The following NDUFAF7 variants were observed in gnomAD, a reference collection of about 807,000 sequenced individuals.
The protein encoded by NDUFAF7 is NADH:ubiquinone oxidoreductase complex assembly factor 7, also known as protein arginine methyltransferase NDUFAF7, mitochondrial.
A neutral mutation model predicts 47.2 loss-of-function variants in NDUFAF7; 48 were observed. The ratio of observed to expected loss-of-function variants is 1.02; its 90% CI spans 0.81 to 1.29. The LOEUF (loss-of-function observed/expected upper bound fraction) is 1.29, where lower values mean the gene tolerates loss of function less well. Among genes scored for constraint, NDUFAF7 ranks in the 50% most tolerant of loss-of-function variants. The pLI is 0.00. For missense variants in NDUFAF7, 635 were observed against 537.6 expected, an observed-to-expected ratio of 1.18 and a Z score of -1.79; for synonymous variants, 217 against 190.0, an observed-to-expected ratio of 1.14 and a Z score of -1.17.
intron 4 of NDUFAF7, among the ~76,000 whole-genome samples, chr2:37,238,710 C>T (rs1432354867): frequency 6.6e-6 from 1 of 151,744 alleles, no homozygotes; most frequent in Non-Finnish European, 1.5e-5. Flanking sequence ...TTCAGAGACC[C>T]CATTAAGAGA....
chr2:37,248,490 A>G lies in NDUFAF7; in HGVS notation c.*140A>G, dbSNP rs1008029929. ...AACAGTCCATGTTGTATATAATACA[A>G]CCAACATTATAGAACTTTTAGGGTT... On this transcript the variant is annotated 3_prime_UTR_variant, in exon 10 of 10. Coordinates refer to ENST00000002125, the MANE Select transcript of NDUFAF7 (RefSeq NM_144736.5). The G allele has an allele frequency of 3.1e-5, 26 of 840,444 alleles. No homozygotes were observed. Among genetic ancestry groups the G allele is most frequent in the Admixed American group, 6.0e-5 (3 of 49,868 alleles). 52.1% of individuals were successfully genotyped at this position (840,444 alleles called of 1,614,324 possible).
At chr2:37,242,079 G>T (rs78699229) in intron 5 of NDUFAF7, 1 of 431,030 alleles carries the variant, frequency 2.3e-6, no homozygotes, top group Admixed American at 4.0e-5. Context: ...TACCGATGAC[G>T]GAGCAGCCCA....
chr2:37,233,013 T>C (rs1474496743), intron 2 of NDUFAF7, among the ~76,000 whole-genome samples: 1 of 152,208 alleles, frequency 6.6e-6, no homozygotes, highest in African/African-American at 2.4e-5. Flanking sequence ...CCGGTATCTT[T>C]CTTTCGATGC....
At chr2:37,256,918 A>G, downstream of NDUFAF7, 3 of 1,614,026 alleles carry the variant, frequency 1.9e-6, no homozygotes, top group Non-Finnish European at 2.5e-6. Context: ...ATCCAAAGTC[A>G]CACAGCTTCA....
In NDUFAF7 at chr2:37,246,034, C is replaced by T. The variant is rs989140264; in HGVS notation, c.793-18C>T. On this transcript the variant is annotated intron_variant, in intron 7 of 9. Coordinates refer to ENST00000002125, the MANE Select transcript of NDUFAF7 (RefSeq NM_144736.5). ...TTTGAATGATGCATTTTGACTCTTG[C>T]AATGATCCCTTTACTAGCATGACGA... 4 of 1,612,958 alleles carry T rather than the reference C, an allele frequency of 2.5e-6. No individual in the cohort carries two copies. In the Admixed American group the frequency reaches 6.7e-5, roughly 27 times the overall value.
chr2:37,234,793 AG>A (rs1665580389), intron 2 of NDUFAF7, among the ~76,000 whole-genome samples: 1 of 152,138 alleles, frequency 6.6e-6, no homozygotes, highest in African/African-American at 2.4e-5. Flanking sequence ...TGAGAGGAGA[AG>A]GGGAAGGCAT....
chr2:37,262,895 T>TCCC, the NDUFAF7 span, among the ~76,000 whole-genome samples: 1 of 144,378 alleles, frequency 6.9e-6, no homozygotes, highest in Non-Finnish European at 1.5e-5. Context: ...TAAGATTCCT[T>TCCC]CCCCCCCCCG....
intron 8 of NDUFAF7, among the ~76,000 whole-genome samples, chr2:37,246,650 C>G (rs1354048556): frequency 1.3e-5 from 2 of 152,014 alleles, no homozygotes; most frequent in Non-Finnish European, 2.9e-5. Flanking sequence ...CCTAAACATC[C>G]TTTCTTAATG....
At chr2:37,253,176 AT>A (rs79875666), downstream of NDUFAF7, 3 of 1,599,458 alleles carry the variant, frequency 1.9e-6, no homozygotes, top group Non-Finnish European at 2.6e-6. Context: ...TAGCTCAGTG[AT>A]TAAGGATCTT....
At chr2:37,236,918 G>C (rs778770911) in intron 3 of NDUFAF7, among the ~76,000 whole-genome samples, 1 of 152,082 alleles carries the variant, frequency 6.6e-6, no homozygotes, top group Non-Finnish European at 1.5e-5. Context: ...ATTAAGAGAA[G>C]CTCTAAAGCT....
chr2:37,254,117 G>T (rs926822716), downstream of NDUFAF7: 8 of 937,990 alleles, frequency 8.5e-6, no homozygotes, highest in Non-Finnish European at 1.4e-5. Flanking sequence ...TTATTCTGCT[G>T]ATCTTAGAGT....
At chr2:37,259,789 T>A in the NDUFAF7 span, 1 of 751,228 alleles carries the variant, frequency 1.3e-6, no homozygotes, top group Admixed American at 2.5e-5. Flanking sequence ...TCATCAAGAC[T>A]TAGCTAAAAG....
the NDUFAF7 span, among the ~76,000 whole-genome samples, chr2:37,265,508 A>C: frequency 4.9e-3 from 747 of 151,238 alleles, 6 homozygotes; most frequent in Non-Finnish European, 6.5e-3. Context: ...CACACACACA[A>C]ACACACACAC....
Position 37,246,104 on chromosome 2 carries a change from T to C in NDUFAF7, c.845T>C (p.Ile282Thr). 1 of 1,613,946 alleles carries C rather than the reference T, an allele frequency of 6.2e-7. No homozygotes were observed. Among genetic ancestry groups the C allele is most frequent in the South Asian group, 1.1e-5 (1 of 91,076 alleles). Residue 282 changes from isoleucine to threonine, a missense_variant, in exon 8 of 10, where the codon ATC becomes ACC. Coordinates refer to ENST00000002125, the MANE Select transcript of NDUFAF7 (RefSeq NM_144736.5). ...GTGTGTCCTGATGCTGGTGTTATCA[T>C]CGAGGAACTTTCTCAACGCATTGCA... is the stretch of plus-strand genomic sequence containing the variant. ...VEVCPDAGVI[I>T]EELSQRIALT...
At chr2:37,232,025 T>C (rs1252395470) in intron 1 of NDUFAF7, 81 bp from the exon 2 acceptor site, 1 of 1,610,058 alleles carries the variant, frequency 6.2e-7, no homozygotes, top group Non-Finnish European at 8.5e-7. Flanking sequence ...TTCACGAAGC[T>C]GTTTTGAAAA....
the NDUFAF7 span, among the ~76,000 whole-genome samples, chr2:37,266,247 C>T: frequency 1.3e-5 from 2 of 152,132 alleles, no homozygotes; most frequent in Non-Finnish European, 2.9e-5. Flanking sequence ...AGTTTCTTAC[C>T]TTCTTCAAGG....
intron 2 of NDUFAF7, among the ~76,000 whole-genome samples, chr2:37,232,963 G>A (rs992591573): frequency 6.6e-6 from 1 of 152,184 alleles, no homozygotes; most frequent in African/African-American, 2.4e-5. Flanking sequence ...ATTGTTGTTG[G>A]ATATGGTAGT....
At chr2:37,239,172 G>GGA (rs1342118062) in intron 4 of NDUFAF7, among the ~76,000 whole-genome samples, 1 of 146,454 alleles carries the variant, frequency 6.8e-6, no homozygotes, top group Non-Finnish European at 1.5e-5. Context: ...AGGCTGGAGT[G>GGA]CAGTGGTACG....
At position 37,248,379 on chromosome 2, in the gene NDUFAF7, G is replaced by T; in HGVS notation, c.*29G>T. The T allele has an allele frequency of 6.3e-7, 1 of 1,582,934 alleles. No homozygotes were observed. The highest frequency in any genetic ancestry group is 8.7e-7 in the Non-Finnish European group (1 of 1,151,914). On this transcript the variant is annotated 3_prime_UTR_variant, in exon 10 of 10. Coordinates refer to ENST00000002125, the MANE Select transcript of NDUFAF7 (RefSeq NM_144736.5). ...TTCAGCTTGGACATTTTACCCTTCA[G>T]TCGGCCCAAGAAATCAAAATAAAGG...
Sources: gnomAD v4.1 joint callset for allele counts (sites outside exome capture counted in the v4.1 genomes callset) on GRCh38, gnomAD v4.1.1 for gene constraint, MANE v1.5 for transcripts, NCBI Gene and HGNC (gene_info 2026-07-23, HGNC 2026-07-21) for gene names.